SH3KBP1: variants seen among roughly 807,000 people sequenced by gnomAD.
SH3KBP1 encodes the protein SH3 domain containing kinase binding protein 1.
In SH3KBP1, 8 loss-of-function variants were observed where a neutral mutation model predicts 50.1. The observed-to-expected ratio is 0.16, with a 90% CI of 0.09 to 0.29. The LOEUF is 0.29. Ranked by LOEUF, SH3KBP1 falls within the 10% of genes least tolerant of loss-of-function variation. The pLI is 1.00. For missense variants in SH3KBP1, 377 were observed against 535.2 expected, an observed-to-expected ratio of 0.70 and a Z score of 2.92; for synonymous variants, 227 against 218.6, an observed-to-expected ratio of 1.04 and a Z score of -0.34.
intron 2 of SH3KBP1, among the ~76,000 whole-genome samples, chrX:19,824,986 C>G (rs775470399): frequency 9.8e-5 from 11 of 111,922 alleles, no homozygotes; most frequent in Non-Finnish European, 1.5e-4. Flanking sequence ...TGAAAGAAAA[C>G]TGTATGTTTA....
chrX:19,656,147 G>A (rs1221775975), intron 6 of SH3KBP1, among the ~76,000 whole-genome samples: 5 of 111,319 alleles, frequency 4.5e-5, no homozygotes, highest in Non-Finnish European at 9.4e-5. Flanking sequence ...GAGGTGACTG[G>A]AGAGCTGCTT....
chrX:19,684,381 C>T (rs1225230039), intron 5 of SH3KBP1, among the ~76,000 whole-genome samples: 1 of 111,724 alleles, frequency 9.0e-6, no homozygotes, highest in Non-Finnish European at 1.9e-5. Context: ...TCCCACCCAC[C>T]TTGTTGCCTC....
intron 7 of SH3KBP1, among the ~76,000 whole-genome samples, chrX:19,638,123 A>C (rs78966234): frequency 1.0e-5 from 1 of 98,739 alleles, no homozygotes; most frequent in East Asian, 3.4e-4. Flanking sequence ...ACAAAAAAAA[A>C]CAAAAGGCCG....
intron 7 of SH3KBP1, among the ~76,000 whole-genome samples, chrX:19,638,111 AAAC>A (rs2061754725): frequency 2.0e-5 from 2 of 100,762 alleles, no homozygotes; most frequent in East Asian, 3.4e-4. Flanking sequence ...ACAAACAAAC[AAAC>A]AAAAAAAAAC....
chrX:19,562,550 T>C (rs1450667903), intron 13 of SH3KBP1, among the ~76,000 whole-genome samples: 1 of 111,817 alleles, frequency 8.9e-6, no homozygotes, highest in Non-Finnish European at 1.9e-5. Flanking sequence ...TTCTTAAATC[T>C]GTAGGTACAC....
At chrX:19,586,117 C>T (rs763706509) in intron 12 of SH3KBP1, among the ~76,000 whole-genome samples, 2 of 112,089 alleles carry the variant, frequency 1.8e-5, no homozygotes, top group South Asian at 3.7e-4. Flanking sequence ...TACTGGGAGA[C>T]GCAGAGGCAG....
At chrX:19,537,494 T>C (rs1602382992) in intron 17 of SH3KBP1, among the ~76,000 whole-genome samples, 1 of 106,166 alleles carries the variant, frequency 9.4e-6, no homozygotes, top group South Asian at 4.1e-4. Context: ...AAATTCCAAA[T>C]GAGAAACCCA....
chrX:19,811,938 C>A (rs1183712733), intron 2 of SH3KBP1, among the ~76,000 whole-genome samples: 1 of 111,687 alleles, frequency 9.0e-6, no homozygotes, highest in Non-Finnish European at 1.9e-5. Flanking sequence ...CCAGGGCCTC[C>A]CCCACACCTC....
At chrX:19,641,504 G>A (rs996265791) in intron 7 of SH3KBP1, among the ~76,000 whole-genome samples, 7 of 111,908 alleles carry the variant, frequency 6.3e-5, no homozygotes, top group Non-Finnish European at 1.1e-4. Flanking sequence ...TTCATATAGC[G>A]AATGGAACTG....
intron 1 of SH3KBP1, among the ~76,000 whole-genome samples, chrX:19,844,353 A>C (rs2068306186): frequency 9.0e-6 from 1 of 111,703 alleles, no homozygotes; most frequent in Non-Finnish European, 1.9e-5. Context: ...TGTCCTTACA[A>C]AGTACTGACC....
chrX:19,694,129 T>C (rs1210510283), intron 5 of SH3KBP1, among the ~76,000 whole-genome samples: 2 of 112,466 alleles, frequency 1.8e-5, no homozygotes, highest in African/African-American at 6.5e-5. Flanking sequence ...TTATTGCTAC[T>C]GGAACTTGTA....
At chrX:19,719,500 CTGTATA>C (rs995425474) in intron 3 of SH3KBP1, among the ~76,000 whole-genome samples, 3 of 111,760 alleles carry the variant, frequency 2.7e-5, no homozygotes, top group African/African-American at 9.8e-5. Context: ...CAAAGAGGAG[CTGTATA>C]TGTATATTTT....
chrX:19,559,405 C>T lies in SH3KBP1; in HGVS notation c.1385-9322G>A, dbSNP rs529096711. 3.8e-4 allele frequency among the ~76,000 whole-genome samples: 39 copies of T among 102,427 alleles called. No homozygotes were observed. The South Asian group carries it at 5.4e-3, about 14-fold the overall frequency. 88.9% of individuals were successfully genotyped at this position (102,427 alleles called of 115,157 possible). ...CCAGTGGCACGATCTTGGCTCACTG[C>T]AACCTCCGCCTCCCGGGTTCAAGCG... On this transcript the variant is annotated intron_variant, in intron 13 of 17. Coordinates refer to ENST00000397821, the MANE Select transcript of SH3KBP1 (RefSeq NM_031892.3).
intron 6 of SH3KBP1, among the ~76,000 whole-genome samples, chrX:19,645,733 C>G (rs1194060682): frequency 2.7e-5 from 3 of 111,924 alleles, no homozygotes; most frequent in Non-Finnish European, 5.6e-5. Flanking sequence ...TTCCTTTATA[C>G]TCTTATAAAA....
At chrX:19,708,213 T>C (rs2063696763) in intron 3 of SH3KBP1, among the ~76,000 whole-genome samples, 1 of 112,455 alleles carries the variant, frequency 8.9e-6, no homozygotes, top group African/African-American at 3.2e-5. Context: ...CTGATCAATA[T>C]GTTTCAAAAG....
In SH3KBP1 at chrX:19,643,300, A is replaced by ATTTTTTTTTTTTTTTTT. The variant is rs201544483; in HGVS notation, c.802+2099_802+2100insAAAAAAAAAAAAAAAAA. Among the ~76,000 whole-genome samples, 6 of 86,885 alleles carry ATTTTTTTTTTTTTTTTT rather than the reference A, an allele frequency of 6.9e-5. 1 individual carries two copies. The highest frequency in any genetic ancestry group is 2.9e-4 in the African/African-American group (5 of 17,418). 75.4% of individuals were successfully genotyped at this position (86,885 alleles called of 115,157 possible). A position where few individuals can be genotyped will look rare whatever the true frequency, so the allele number is the denominator to read the frequency against. On this transcript the variant is annotated intron_variant, in intron 7 of 17. Transcript: ENST00000397821. ...AGTGTGTGTGGGCTGAAACTGAAGA[A>ATTTTTTTTTTTTTTTTT]TTTTTTATTTTTTTTTTTTTTATTT...
intron 3 of SH3KBP1, among the ~76,000 whole-genome samples, chrX:19,715,137 G>A (rs1037840444): frequency 2.7e-5 from 3 of 109,831 alleles, no homozygotes; most frequent in Non-Finnish European, 5.7e-5. Context: ...GCTTGGCATG[G>A]CAGCATGTGC....
At chrX:19,784,265 T>C (rs2066269868) in intron 2 of SH3KBP1, among the ~76,000 whole-genome samples, 1 of 111,960 alleles carries the variant, frequency 8.9e-6, no homozygotes, top group South Asian at 3.7e-4. Context: ...AGACTTCCGA[T>C]GAGATTCATT....
chrX:19,631,231 T>C (rs1391218567), intron 8 of SH3KBP1, among the ~76,000 whole-genome samples: 2 of 112,914 alleles, frequency 1.8e-5, no homozygotes, highest in Non-Finnish European at 3.7e-5. Flanking sequence ...ATTGCTTAAA[T>C]AATATATCTT....
Sources: allele counts gnomAD v4.1 joint callset (sites outside exome capture counted in the v4.1 genomes callset), GRCh38; gene constraint gnomAD v4.1.1; transcripts MANE v1.5; gene names NCBI Gene and HGNC (gene_info 2026-07-23, HGNC 2026-07-21).